RFFL: variants seen among roughly 807,000 people sequenced by gnomAD.
RFFL encodes the protein E3 ubiquitin-protein ligase rififylin.
In RFFL, 16 loss-of-function variants were observed where a neutral mutation model predicts 40.4. The observed-to-expected ratio is 0.40, with a 90% CI of 0.27 to 0.60. The LOEUF (loss-of-function observed/expected upper bound fraction) is 0.60, where lower values mean the gene tolerates loss of function less well. RFFL is among the 20% of genes least tolerant of loss of function. The pLI is 0.47. For missense variants in RFFL, 367 were observed against 451.7 expected (o/e 0.81, Z 1.70); for synonymous variants, 154 against 167.9 (o/e 0.92, Z 0.64).
At chr17:35,063,026 C>A (rs150187231) in intron 1 of RFFL, among the ~76,000 whole-genome samples, 4 of 152,268 alleles carry the variant, frequency 2.6e-5, no homozygotes, top group Non-Finnish European at 4.4e-5. Flanking sequence ...TAAAGTGTTT[C>A]TCACAAGATA....
chr17:35,040,865 GGTGTGTGTGTGTGT>G (rs10578625), intron 1 of RFFL, among the ~76,000 whole-genome samples: 1 of 63,832 alleles, frequency 1.6e-5, no homozygotes, highest in African/African-American at 6.4e-5. Flanking sequence ...TTTTTTTTTT[GGTGTGTGTGTGTGT>G]GTGTGTGTGT....
At chr17:35,063,469 A>C (rs1402957020) in intron 1 of RFFL, 107 bp downstream of exon 1, 1 of 150,840 alleles carries the variant, frequency 6.6e-6, no homozygotes, top group South Asian at 2.2e-4. Flanking sequence ...AAAAAAAAAA[A>C]AAAAAAAAAA....
rs2090926362 is a variant in RFFL at position 35,010,051 on chromosome 17, T to C, written c.*1917A>G. 6.6e-6 allele frequency: 1 copy of C among 152,594 alleles called. No homozygotes were observed. The highest frequency in any genetic ancestry group is 2.1e-4 in the South Asian group (1 of 4,832). 9.5% of individuals were successfully genotyped at this position (152,594 alleles called of 1,614,324 possible). On this transcript the variant is annotated 3_prime_UTR_variant, in exon 7 of 7. Transcript: ENST00000394597. ...AATCATCCAGGACTTTGTATAACAT[T>C]GAGGTAAGTGGCCCAGTGTTCAGTT...
intron 1 of RFFL, among the ~76,000 whole-genome samples, chr17:35,029,259 G>A (rs2091065068): frequency 6.6e-6 from 1 of 151,468 alleles, no homozygotes; most frequent in Admixed American, 6.6e-5. Flanking sequence ...CAGAGTGTGT[G>A]TATGATAAAG....
At position 35,047,403 on chromosome 17, in the gene RFFL, C is replaced by T. The variant is rs78882679; in HGVS notation, c.-9+16173G>A. Among the ~76,000 whole-genome samples the T allele has an allele frequency of 5.3e-3, 808 of 152,218 alleles. 8 individuals are homozygous for T. The highest frequency in any genetic ancestry group is 0.018 in the African/African-American group (759 of 41,506). On this transcript the variant is annotated intron_variant, in intron 1 of 6. Coordinates refer to ENST00000394597, the MANE Select transcript of RFFL (RefSeq NM_001017368.2). ...TAACTCCTTTAATTAAAACCTGCTA[C>T]ATTGAAAAGATAATTGAAAGGATTA... is the stretch of plus-strand genomic sequence containing the variant.
chr17:35,050,975 CAATAAAAAATA>C (rs1273011006), intron 1 of RFFL, among the ~76,000 whole-genome samples: 1 of 151,876 alleles, frequency 6.6e-6, no homozygotes, highest in African/African-American at 2.4e-5. Flanking sequence ...TGTCTCAAAA[CAATAAAAAATA>C]AATAAAAAAT....
upstream of RFFL, among the ~76,000 whole-genome samples, chr17:35,065,933 C>T (rs1440116497): frequency 6.6e-6 from 1 of 152,128 alleles, no homozygotes; most frequent in East Asian, 1.9e-4. Context: ...GAAATAATAA[C>T]TGTGGCTTTC....
rs897373149 is a variant in RFFL at position 35,010,786 on chromosome 17, A to G, written c.*1182T>C. The stretch of plus-strand genomic sequence containing the variant: ...ATGCTTTCTCCCTGACCTGCCCCCA[A>G]AAATCAGTGGGCTAGGAAAGGGAAT... On this transcript the variant is annotated 3_prime_UTR_variant, in exon 7 of 7. Transcript: ENST00000394597. The G allele has an allele frequency of 6.6e-6, 1 of 151,560 alleles. No homozygotes were observed. Among genetic ancestry groups the G allele is most frequent in the East Asian group, 1.9e-4 (1 of 5,184 alleles). The allele number at this position is 151,560 out of a possible 1,614,324, so 9.4% of individuals were successfully genotyped here.
At chr17:35,015,518 TGTCA>T (rs2090967921) in intron 5 of RFFL, among the ~76,000 whole-genome samples, 1 of 152,178 alleles carries the variant, frequency 6.6e-6, no homozygotes, top group Non-Finnish European at 1.5e-5. Context: ...ACAGACTCCA[TGTCA>T]GTAGGCCTCA....
intron 1 of RFFL, among the ~76,000 whole-genome samples, chr17:35,048,389 G>A (rs987869142): frequency 1.6e-4 from 25 of 152,002 alleles, no homozygotes; most frequent in Non-Finnish European, 2.8e-4. Context: ...GCGACAGAGC[G>A]AGACTCCATC....
At chr17:35,024,068 T>G (rs2091026408) in intron 2 of RFFL, among the ~76,000 whole-genome samples, 1 of 152,148 alleles carries the variant, frequency 6.6e-6, no homozygotes, top group Non-Finnish European at 1.5e-5. Flanking sequence ...GATGAATTAG[T>G]GGAGGCAACC....
chr17:35,042,535 T>C (rs2091172760), intron 1 of RFFL, among the ~76,000 whole-genome samples: 1 of 152,034 alleles, frequency 6.6e-6, no homozygotes, highest in African/African-American at 2.4e-5. Flanking sequence ...AATAAATAAT[T>C]CGGTGGCCGG....
At chr17:35,036,189 T>C (rs1302638508) in intron 1 of RFFL, 1 of 152,232 alleles carries the variant, frequency 6.6e-6, no homozygotes, top group Non-Finnish European at 1.5e-5. Flanking sequence ...CTCTTGGGAA[T>C]ATTTTTTTCA....
intron 1 of RFFL, chr17:35,076,784 A>G (rs1337733092): frequency 2.5e-5 from 5 of 202,822 alleles, no homozygotes; most frequent in Non-Finnish European, 5.2e-5. Flanking sequence ...ATAAGACGTG[A>G]CAGGACGTAC....
At chr17:35,057,572 T>TA (rs1321216500) in intron 1 of RFFL, among the ~76,000 whole-genome samples, 1 of 150,698 alleles carries the variant, frequency 6.6e-6, no homozygotes, top group East Asian at 1.9e-4. Flanking sequence ...TCCAGTCAGG[T>TA]AACTCCCAAA....
intron 1 of RFFL, among the ~76,000 whole-genome samples, chr17:35,026,837 C>T (rs2091044435): frequency 1.3e-5 from 2 of 152,138 alleles, no homozygotes; most frequent in South Asian, 4.1e-4. Flanking sequence ...TCCCAAGTAG[C>T]TGGGATTACA....
chr17:35,062,213 G>A (rs1020041528), intron 1 of RFFL, among the ~76,000 whole-genome samples: 6 of 151,938 alleles, frequency 3.9e-5, no homozygotes, highest in Middle Eastern at 3.4e-3. Context: ...GACCATCCTC[G>A]CCAACATGGT....
At chr17:35,047,935 A>AG (rs2091209459) in intron 1 of RFFL, among the ~76,000 whole-genome samples, 1 of 151,672 alleles carries the variant, frequency 6.6e-6, no homozygotes, top group Non-Finnish European at 1.5e-5. Context: ...TATTTTTAGT[A>AG]GAGACGGGGT....
chr17:35,050,867 G>A (rs568528899), intron 1 of RFFL, among the ~76,000 whole-genome samples: 165 of 152,288 alleles, frequency 1.1e-3, no homozygotes, highest in African/African-American at 3.8e-3. Flanking sequence ...AACTACTCTG[G>A]AGGTTGAGGC....
Sources: allele counts gnomAD v4.1 joint callset (sites outside exome capture counted in the v4.1 genomes callset), GRCh38; gene constraint gnomAD v4.1.1; transcripts MANE v1.5; gene names NCBI Gene and HGNC (gene_info 2026-07-23, HGNC 2026-07-21).